Variants in TENM2 observed in about 807,000 individuals in gnomAD.
TENM2 encodes the protein teneurin-2.
TENM2 carries 52 observed loss-of-function variants against 245.2 expected under a neutral mutation model. The ratio of observed to expected loss-of-function variants is 0.21; its 90% CI spans 0.17 to 0.27. The LOEUF (loss-of-function observed/expected upper bound fraction) is 0.27, where lower values mean the gene tolerates loss of function less well. Among genes scored for constraint, TENM2 ranks in the 10% least tolerant of loss-of-function variants. The pLI is 1.00. For missense variants in TENM2, 3,046 were observed against 3,666.8 expected, an observed-to-expected ratio of 0.83 and a Z score of 4.37; for synonymous variants, 1,363 against 1,438.9, an observed-to-expected ratio of 0.95 and a Z score of 1.19.
intron 2 of TENM2, among the ~76,000 whole-genome samples, chr5:167,804,447 C>T (rs185157181): frequency 4.6e-5 from 7 of 152,064 alleles, no homozygotes; most frequent in Admixed American, 3.9e-4. Context: ...TTACATATGT[C>T]CTAAACTAGT....
chr5:167,198,383 G>GC, the TENM2 span, among the ~76,000 whole-genome samples: 1 of 152,086 alleles, frequency 6.6e-6, no homozygotes, highest in African/African-American at 2.4e-5. Context: ...GCAAAGGAGG[G>GC]CGCTAAGCCT....
At chr5:167,200,807 A>G in the TENM2 span, among the ~76,000 whole-genome samples, 2 of 152,106 alleles carry the variant, frequency 1.3e-5, no homozygotes, top group Non-Finnish European at 2.9e-5. Context: ...TCAGAATCCA[A>G]AGATTTGTAA....
At chr5:168,105,245 A>G (rs1794148624) in intron 9 of TENM2, among the ~76,000 whole-genome samples, 1 of 152,248 alleles carries the variant, frequency 6.6e-6, no homozygotes, top group Non-Finnish European at 1.5e-5. Context: ...AGGGAGCCAC[A>G]GCACACATGC....
chr5:168,137,783 A>G (rs1227201619), intron 12 of TENM2, among the ~76,000 whole-genome samples: 1 of 152,200 alleles, frequency 6.6e-6, no homozygotes, highest in Non-Finnish European at 1.5e-5. Context: ...TCCCTTAAGC[A>G]TGTTACTGTC....
intron 12 of TENM2, among the ~76,000 whole-genome samples, chr5:168,138,706 T>C (rs1755275397): frequency 6.6e-6 from 1 of 152,242 alleles, no homozygotes; most frequent in South Asian, 2.1e-4. Context: ...CATGGTGTTC[T>C]AAACATCAAT....
chr5:167,084,327 T>TTA, the TENM2 span, among the ~76,000 whole-genome samples: 547 of 23,138 alleles, frequency 0.024, 47 homozygotes, highest in East Asian at 0.061. Flanking sequence ...GCCATTTTAG[T>TTA]TATATATATA....
the TENM2 span, among the ~76,000 whole-genome samples, chr5:167,214,027 G>A: frequency 6.6e-6 from 1 of 152,172 alleles, no homozygotes; most frequent in African/African-American, 2.4e-5. Flanking sequence ...CATCAGCAAA[G>A]GGATACAGGA....
intron 1 of TENM2, among the ~76,000 whole-genome samples, chr5:167,370,583 A>G (rs1463692718): frequency 6.6e-6 from 1 of 152,216 alleles, no homozygotes; most frequent in Non-Finnish European, 1.5e-5. Context: ...TCGTTTATCT[A>G]TAAAAATATT....
intron 5 of TENM2, among the ~76,000 whole-genome samples, chr5:168,023,214 T>C (rs1030953218): frequency 3.3e-5 from 5 of 152,234 alleles, no homozygotes; most frequent in African/African-American, 7.2e-5. Context: ...GCAGCCACGC[T>C]GATGCGAGGC....
intron 2 of TENM2, among the ~76,000 whole-genome samples, chr5:167,726,950 C>G (rs958813246): frequency 1.3e-5 from 2 of 152,102 alleles, no homozygotes; most frequent in African/African-American, 4.8e-5. Context: ...AAGAATAAGT[C>G]TTCATGATAG....
At chr5:167,909,426 AAAT>A (rs769061140) in intron 3 of TENM2, among the ~76,000 whole-genome samples, 6 of 152,126 alleles carry the variant, frequency 3.9e-5, no homozygotes, top group Non-Finnish European at 5.9e-5. Context: ...CCTAAATCTA[AAAT>A]AATAATAATT....
chr5:168,143,213 T>A (rs1374919788), intron 12 of TENM2, among the ~76,000 whole-genome samples: 1 of 151,942 alleles, frequency 6.6e-6, no homozygotes, highest in Non-Finnish European at 1.5e-5. Flanking sequence ...GGGGGTAATA[T>A]CACCCCCAAC....
chr5:167,092,979 T>C, the TENM2 span, among the ~76,000 whole-genome samples: 1,032 of 152,300 alleles, frequency 6.8e-3, 9 homozygotes, highest in African/African-American at 0.023. Context: ...CCTCATACCA[T>C]GGTTAATATT....
chr5:166,992,025 G>T, the TENM2 span, among the ~76,000 whole-genome samples: 1 of 149,864 alleles, frequency 6.7e-6, no homozygotes, highest in Non-Finnish European at 1.5e-5. Flanking sequence ...TTCTGGAAGA[G>T]AAATGGTGAA....
At chr5:167,067,130 G>C in the TENM2 span, among the ~76,000 whole-genome samples, 1 of 152,016 alleles carries the variant, frequency 6.6e-6, no homozygotes, top group Non-Finnish European at 1.5e-5. Context: ...GTATAAAATT[G>C]GTCTCGTATT....
chr5:167,264,125 T>C, the TENM2 span, among the ~76,000 whole-genome samples: 1 of 147,840 alleles, frequency 6.8e-6, no homozygotes, highest in Non-Finnish European at 1.5e-5. Flanking sequence ...AAAAAAAAAA[T>C]TCCTGTTAGT....
chr5:167,151,060 T>C, the TENM2 span, among the ~76,000 whole-genome samples: 1 of 152,216 alleles, frequency 6.6e-6, no homozygotes, highest in African/African-American at 2.4e-5. Flanking sequence ...CTTTTCTCAG[T>C]AAATCTGTGA....
chr5:167,812,593 C>A (rs1312367720), intron 2 of TENM2, among the ~76,000 whole-genome samples: 2 of 152,204 alleles, frequency 1.3e-5, no homozygotes, highest in African/African-American at 4.8e-5. Flanking sequence ...GAGTTGCATT[C>A]TTTAAGCGCC....
intron 1 of TENM2, among the ~76,000 whole-genome samples, chr5:167,351,295 C>T (rs1758898227): frequency 6.6e-6 from 1 of 151,936 alleles, no homozygotes; most frequent in African/African-American, 2.4e-5. Context: ...GCATCTCCTC[C>T]AGGTAGTGAC....
Sources: gnomAD v4.1 joint callset for allele counts (sites outside exome capture counted in the v4.1 genomes callset) on GRCh38, gnomAD v4.1.1 for gene constraint, MANE v1.5 for transcripts, NCBI Gene and HGNC (gene_info 2026-07-23, HGNC 2026-07-21) for gene names.